Variants in PDXDC1 observed in about 807,000 individuals in gnomAD.
The protein encoded by PDXDC1 is pyridoxal-dependent decarboxylase domain-containing protein 1.
In PDXDC1, 42 loss-of-function variants were observed where a neutral mutation model predicts 100.1. The ratio of observed to expected loss-of-function variants is 0.42; its 90% confidence interval spans 0.33 to 0.54. The LOEUF is 0.54. Among genes scored for constraint, PDXDC1 ranks in the 20% least tolerant of loss-of-function variants. The pLI, the probability that PDXDC1 is intolerant of heterozygous loss-of-function variation, is 0.10. For missense variants in PDXDC1, 636 were observed against 979.2 expected, an observed-to-expected ratio of 0.65 and a Z score of 4.68; for synonymous variants, 260 against 371.7, an observed-to-expected ratio of 0.70 and a Z score of 3.46.
intron 1 of PDXDC1, 130 bp from the exon 2 acceptor site, chr16:14,997,623 G>C (rs1297543446): frequency 4.7e-6 from 5 of 1,070,056 alleles, no homozygotes; most frequent in African/African-American, 1.6e-5. Context: ...TTGTACTATT[G>C]CAAGTTTTAA....
chr16:15,076,665 G>T, intron 16 of PDXDC1: 1 of 1,493,098 alleles, frequency 6.7e-7, no homozygotes, highest in Non-Finnish European at 9.3e-7. Flanking sequence ...AACAAAGGGA[G>T]AAAAAAAAAG....
intron 16 of PDXDC1, among the ~76,000 whole-genome samples, chr16:15,096,745 C>T (rs1003792666): frequency 1.3e-5 from 2 of 152,252 alleles, no homozygotes; most frequent in African/African-American, 2.4e-5. Flanking sequence ...CGCAATGGCG[C>T]GATCATGGCT....
At chr16:15,020,975 A>AAACACACACACACAC (rs370903249) in intron 12 of PDXDC1, among the ~76,000 whole-genome samples, 2 of 145,912 alleles carry the variant, frequency 1.4e-5, no homozygotes, top group African/African-American at 5.1e-5. Context: ...GCACCATCTA[A>AAACACACACACACAC]ACACACACAC....
chr16:15,065,717 T>C (rs2044941330), intron 16 of PDXDC1, among the ~76,000 whole-genome samples: 1 of 152,182 alleles, frequency 6.6e-6, no homozygotes, highest in Non-Finnish European at 1.5e-5. Flanking sequence ...TTAGATTACG[T>C]AACTATAGGT....
chr16:15,133,158 T>A, intron 16 of PDXDC1: 1 of 832,316 alleles, frequency 1.2e-6, no homozygotes. Flanking sequence ...GGGATTTATC[T>A]CTGGGGCCCG....
Position 15,017,883 on chromosome 16 carries a change from C to T in PDXDC1, c.963+461C>T, listed in dbSNP as rs1034628656. 3.9e-5 allele frequency among the ~76,000 whole-genome samples: 6 copies of T among 152,264 alleles called. No individual in the cohort carries two copies. The East Asian group carries it at 1.2e-3, about 30-fold the overall frequency. ...GATCTTGGCTCACTGCAACCTCCAC[C>T]TCCTGGGTTCAAGTGATTCTCTTGC... On this transcript the variant is annotated intron_variant, in intron 11 of 22. Transcript: ENST00000396410.
the PDXDC1 span, among the ~76,000 whole-genome samples, chr16:15,148,236 C>T: frequency 6.6e-6 from 1 of 151,816 alleles, no homozygotes; most frequent in East Asian, 1.9e-4. Flanking sequence ...GGATTACAGG[C>T]GTGAGGCACC....
chr16:14,975,133 G>A lies in PDXDC1; in HGVS notation c.-67G>A. The A allele has an allele frequency of 6.8e-7, 1 of 1,470,176 alleles. No individual in the cohort carries two copies. The highest frequency in any genetic ancestry group is 1.4e-5 in the South Asian group (1 of 70,870). 91.1% of individuals were successfully genotyped at this position (1,470,176 alleles called of 1,614,324 possible). On this transcript the variant is annotated 5_prime_UTR_variant, in exon 1 of 23. Coordinates refer to ENST00000396410, the MANE Select transcript of PDXDC1 (RefSeq NM_015027.4). ...GACGTCAGCGCTGCCAGCGTGGAAG[G>A]AGCTGCGGGGCGCGGGAGGAGGAAG...
rs761972988 is a variant in PDXDC1, at chr16:15,033,336, C to T, written c.1749C>T (p.Val583=). The T allele has an allele frequency of 1.1e-5, 18 of 1,614,012 alleles. No individual in the cohort carries two copies. The highest frequency in any genetic ancestry group is 5.0e-5 in the Admixed American group (3 of 60,008). ...ATGTCGGCATGGCGAGCGACAACGT[C>T]GATGCTGCTGAGCTCGTGGAGACCA... ...CLYVGMASDN[V]DAAELVETIA... The change falls in exon 19 of 23, where the codon GTC becomes GTT. Residue 583 remains valine (V), a synonymous_variant. Coordinates refer to ENST00000396410, the MANE Select transcript of PDXDC1 (RefSeq NM_015027.4).
intron 8 of PDXDC1, among the ~76,000 whole-genome samples, chr16:15,012,885 T>C (rs1317792397): frequency 6.6e-6 from 1 of 151,948 alleles, no homozygotes; most frequent in Admixed American, 6.6e-5. Flanking sequence ...TAAAATATAA[T>C]GTCAGGCCAG....
In PDXDC1 at chr16:15,075,002, C is replaced by A. The variant is rs1375457509; in HGVS notation, c.1399+44946C>A. On this transcript the variant is annotated intron_variant, in intron 16 of 16. Transcript: ENST00000535621. ...AAGCGGCTCACATCTATAAGCCCAG[C>A]ACTTTGGGAAGCAGAGGTGGGGGGA... is the stretch of plus-strand genomic sequence containing the variant. 1.8e-5 allele frequency: 15 copies of A among 833,442 alleles called. 1 individual carries two copies. In the South Asian group the frequency reaches 2.9e-4, roughly 16 times the overall value. 51.6% of individuals were successfully genotyped at this position (833,442 alleles called of 1,614,324 possible). A position where few individuals can be genotyped will look rare whatever the true frequency, so the allele number is the denominator to read the frequency against.
intron 16 of PDXDC1, chr16:15,060,812 C>T (rs1165312664): frequency 6.6e-6 from 1 of 152,212 alleles, no homozygotes; most frequent in African/African-American, 2.4e-5. Context: ...ACCAAATAAT[C>T]TAAAAAAATT....
chr16:15,005,492 C>T (rs1042637245), intron 5 of PDXDC1, among the ~76,000 whole-genome samples: 2 of 152,274 alleles, frequency 1.3e-5, no homozygotes, highest in African/African-American at 4.8e-5. Context: ...GAATGTTTGC[C>T]TAACTTGAGA....
chr16:15,005,405 A>AT (rs1246193115), intron 5 of PDXDC1, among the ~76,000 whole-genome samples: 2 of 152,278 alleles, frequency 1.3e-5, no homozygotes, highest in Non-Finnish European at 2.9e-5. Context: ...GTACTAAGGA[A>AT]TTACAACAGG....
At chr16:15,022,288 G>T (rs1490821193) in intron 12 of PDXDC1, among the ~76,000 whole-genome samples, 18 of 152,294 alleles carry the variant, frequency 1.2e-4, no homozygotes, top group African/African-American at 4.3e-4. Flanking sequence ...ACTGGCAGAT[G>T]AATTGACTTA....
chr16:15,016,806 T>C (rs2041829501), intron 9 of PDXDC1, among the ~76,000 whole-genome samples: 1 of 152,286 alleles, frequency 6.6e-6, no homozygotes. Context: ...ATCCACCACA[T>C]CATACAGGGA....
At chr16:14,989,663 G>A in intron 1 of PDXDC1, 4 of 1,561,376 alleles carry the variant, frequency 2.6e-6, no homozygotes, top group South Asian at 1.2e-5. Flanking sequence ...CGGGGCCGGC[G>A]GCCACGGGGC....
chr16:15,102,441 C>T (rs954098184), intron 16 of PDXDC1, among the ~76,000 whole-genome samples: 5 of 150,832 alleles, frequency 3.3e-5, no homozygotes, highest in Non-Finnish European at 1.5e-5. Flanking sequence ...CATGAAGTTG[C>T]CCCAGGCAGA....
intron 16 of PDXDC1, among the ~76,000 whole-genome samples, chr16:15,112,065 TCTCA>T (rs1213984435): frequency 4.7e-5 from 7 of 147,736 alleles, no homozygotes; most frequent in Non-Finnish European, 1.1e-4. Context: ...CGCAAAACAT[TCTCA>T]CTAATGACTG....
Sources: gnomAD v4.1 joint callset for allele counts (sites outside exome capture counted in the v4.1 genomes callset) on GRCh38, gnomAD v4.1.1 for gene constraint, MANE v1.5 for transcripts, NCBI Gene and HGNC (gene_info 2026-07-23, HGNC 2026-07-21) for gene names.